Variants in FREM1 observed in about 807,000 individuals in gnomAD.
FREM1 encodes FRAS1-related extracellular matrix protein 1.
In FREM1, 220 loss-of-function variants were observed where a neutral mutation model predicts 210.1. That is an observed-to-expected ratio of 1.05 (90% CI 0.94 to 1.17). FREM1 has a LOEUF of 1.17. FREM1 is among the 50% of genes most tolerant of loss of function. FREM1 has a pLI of 0.00. For missense variants in FREM1, 3,454 were observed against 2,675.5 expected (o/e 1.29, Z -6.42); for synonymous variants, 1,189 against 980.2 (o/e 1.21, Z -3.98).
At position 14,761,981 on chromosome 9, in the gene FREM1, G is replaced by A. The variant is rs569147349; in HGVS notation, c.5205-2080C>T. ...GTACATTAAACTTTATCCTAGCAAC[G>A]TATGTGCAGTACAGGAAAAAGCACA... On this transcript the variant is annotated intron_variant, in intron 27 of 36. Coordinates refer to ENST00000380880, the MANE Select transcript of FREM1 (RefSeq NM_001379081.2). Among the ~76,000 whole-genome samples, 5 of 152,246 alleles carry A rather than the reference G, an allele frequency of 3.3e-5. No homozygotes were observed. In the East Asian group the frequency reaches 7.7e-4, roughly 24 times the overall value.
At chr9:14,755,237 T>C (rs1844105218) in intron 29 of FREM1, among the ~76,000 whole-genome samples, 1 of 152,222 alleles carries the variant, frequency 6.6e-6, no homozygotes. Flanking sequence ...TCCTCAAGCA[T>C]CATGCTACTT....
At chr9:14,799,757 T>G in intron 20 of FREM1, among the ~76,000 whole-genome samples, 1 of 152,302 alleles carries the variant, frequency 6.6e-6, no homozygotes. Context: ...TTCTTTGCAA[T>G]TGATAAAAGC....
At chr9:14,747,576 T>C (rs1842696999) in intron 32 of FREM1, 105 bp downstream of exon 32, 4 of 1,043,398 alleles carry the variant, frequency 3.8e-6, no homozygotes, top group Non-Finnish European at 4.1e-6. Context: ...TTCAAAACAA[T>C]TTTTTAAGAG....
intron 28 of FREM1, among the ~76,000 whole-genome samples, chr9:14,756,721 C>A (rs1446803638): frequency 6.6e-6 from 1 of 152,138 alleles, no homozygotes; most frequent in Admixed American, 6.6e-5. Context: ...AAGAAAGGAA[C>A]ATGAATTTTA....
intron 24 of FREM1, among the ~76,000 whole-genome samples, chr9:14,782,674 T>C (rs1443553446): frequency 6.6e-6 from 1 of 152,188 alleles, no homozygotes; most frequent in Non-Finnish European, 1.5e-5. Flanking sequence ...GTTGTAAAGA[T>C]TGGAAGAAGG....
intron 2 of FREM1, among the ~76,000 whole-genome samples, chr9:14,867,635 T>G (rs1488517097): frequency 6.6e-6 from 1 of 152,170 alleles, no homozygotes; most frequent in Non-Finnish European, 1.5e-5. Flanking sequence ...CATCTAAGTC[T>G]TTTTTTCTCT....
Position 14,747,437 on chromosome 9 carries a change from A to C in FREM1, c.5845-9T>G, listed in dbSNP as rs1342618457. ...GAAACTATCCCATGATACTTGAGGA[A>C]ACCAACAATCAACAACAATAAGGAA... On this transcript the variant is annotated splice_polypyrimidine_tract_variant and intron_variant, in intron 32 of 36. Coordinates refer to ENST00000380880, the MANE Select transcript of FREM1 (RefSeq NM_001379081.2). The C allele has an allele frequency of 6.2e-7, 1 of 1,610,324 alleles. No individual in the cohort carries two copies. The highest frequency in any genetic ancestry group is 2.2e-5 in the East Asian group (1 of 44,784).
intron 1 of FREM1, among the ~76,000 whole-genome samples, chr9:14,870,372 G>A (rs1311567417): frequency 6.6e-6 from 1 of 152,164 alleles, no homozygotes; most frequent in African/African-American, 2.4e-5. Context: ...CAGTCCCAGA[G>A]TAAAACTGTT....
intron 22 of FREM1, among the ~76,000 whole-genome samples, chr9:14,792,051 G>A (rs1851453931): frequency 6.6e-6 from 1 of 152,058 alleles, no homozygotes; most frequent in African/African-American, 2.4e-5. Flanking sequence ...CACCACGTTG[G>A]CCAGGATGGT....
chr9:14,749,155 C>T (rs1842929463), intron 30 of FREM1, among the ~76,000 whole-genome samples: 1 of 152,102 alleles, frequency 6.6e-6, no homozygotes, highest in Non-Finnish European at 1.5e-5. Flanking sequence ...GGAAACCTCA[C>T]CAATTAGTAT....
chr9:14,799,358 T>C (rs1465197000), intron 20 of FREM1, among the ~76,000 whole-genome samples: 1 of 152,088 alleles, frequency 6.6e-6, no homozygotes, highest in East Asian at 1.9e-4. Context: ...TGTATATTTG[T>C]TTGGGGGGAT....
chr9:14,908,639 T>C (rs1472884911), intron 1 of FREM1, among the ~76,000 whole-genome samples: 1 of 152,210 alleles, frequency 6.6e-6, no homozygotes, highest in Non-Finnish European at 1.5e-5. Flanking sequence ...CACATTAAGT[T>C]ATGCTCAACA....
At chr9:14,768,501 T>A (rs1287141770) in intron 27 of FREM1, among the ~76,000 whole-genome samples, 1 of 152,068 alleles carries the variant, frequency 6.6e-6, no homozygotes, top group African/African-American at 2.4e-5. Context: ...CATTTTAATA[T>A]CACGGGCCAG....
At chr9:14,741,159 C>A (rs535640445) in intron 35 of FREM1, among the ~76,000 whole-genome samples, 1 of 152,146 alleles carries the variant, frequency 6.6e-6, no homozygotes, top group East Asian at 1.9e-4. Flanking sequence ...AATTAAATCA[C>A]CATGATCTTT....
chr9:14,847,829 T>C (rs1826970131), intron 7 of FREM1, among the ~76,000 whole-genome samples: 2 of 152,158 alleles, frequency 1.3e-5, no homozygotes, highest in Non-Finnish European at 2.9e-5. Flanking sequence ...CCATGCAACA[T>C]GTGATTATTC....
chr9:14,877,906 C>G (rs1834067091), intron 1 of FREM1, among the ~76,000 whole-genome samples: 1 of 152,144 alleles, frequency 6.6e-6, no homozygotes, highest in Admixed American at 6.5e-5. Context: ...ATTTGTTACA[C>G]AAAAATAAAA....
intron 1 of FREM1, among the ~76,000 whole-genome samples, chr9:14,903,888 G>A (rs368349853): frequency 1.3e-5 from 2 of 152,046 alleles, no homozygotes; most frequent in African/African-American, 2.4e-5. Flanking sequence ...TTGGAAGGCC[G>A]AGGCGGGCGG....
chr9:14,797,621 T>G lies in FREM1; in HGVS notation c.3716A>C (p.His1239Pro), dbSNP rs776837545. Reference protein sequence around the residue: ...LKTGMRLTYMHDDSESLADDF... With the variant: ...LKTGMRLTYMPDDSESLADDF... ...ATCAGCAAGGCTCTCTGAGTCATCA[T>G]GCATGTACGTCAACCTCATTCCTGG... The change falls in exon 21 of 37, where the codon CAT (histidine) becomes CCT (proline). Residue 1239 changes from histidine to proline, a missense_variant. Transcript: ENST00000380880. 25 of 1,612,668 alleles carry G rather than the reference T, an allele frequency of 1.6e-5. No individual in the cohort carries two copies. Among genetic ancestry groups the G allele is most frequent in the Non-Finnish European group, 2.0e-5 (23 of 1,179,264 alleles).
intron 2 of FREM1, among the ~76,000 whole-genome samples, chr9:14,864,463 T>C (rs1221128491): frequency 3.3e-5 from 5 of 152,248 alleles, no homozygotes. Flanking sequence ...CCCAGAGTTG[T>C]GTCTTGCATA....
Sources: gnomAD v4.1 joint callset for allele counts (sites outside exome capture counted in the v4.1 genomes callset) on GRCh38, gnomAD v4.1.1 for gene constraint, MANE v1.5 for transcripts, NCBI Gene and HGNC (gene_info 2026-07-23, HGNC 2026-07-21) for gene names.